Variants in BCAR3 observed in about 807,000 individuals in gnomAD.
BCAR3 encodes breast cancer anti-estrogen resistance protein 3.
A neutral mutation model predicts 80.1 loss-of-function variants in BCAR3; 37 were observed. The observed-to-expected ratio is 0.46, with a 90% CI of 0.36 to 0.61. The LOEUF (loss-of-function observed/expected upper bound fraction) is 0.61. Ranked by LOEUF, BCAR3 falls within the 20% of genes least tolerant of loss-of-function variation. The pLI, the probability that BCAR3 is intolerant of heterozygous loss-of-function variation, is 0.00. For missense variants in BCAR3, 978 were observed against 1,068.2 expected (o/e 0.92, Z 1.18); for synonymous variants, 389 against 418.9 (o/e 0.93, Z 0.87).
At chr1:93,659,667 A>G (rs1647559218) in intron 2 of BCAR3, among the ~76,000 whole-genome samples, 1 of 152,078 alleles carries the variant, frequency 6.6e-6, no homozygotes, top group Non-Finnish European at 1.5e-5. Context: ...TTAGATGACA[A>G]TCACGGTTCT....
At chr1:93,786,459 A>G (rs1001212346) in intron 2 of BCAR3, among the ~76,000 whole-genome samples, 3 of 152,172 alleles carry the variant, frequency 2.0e-5, no homozygotes, top group Non-Finnish European at 4.4e-5. Flanking sequence ...CCCAGCTGAG[A>G]CCATGGAGAG....
intron 2 of BCAR3, among the ~76,000 whole-genome samples, chr1:93,707,925 C>A (rs1007446727): frequency 6.6e-6 from 1 of 152,188 alleles, no homozygotes; most frequent in Non-Finnish European, 1.5e-5. Flanking sequence ...AGATGACCCA[C>A]ATACACAAAA....
At chr1:93,728,694 G>A (rs58038827) in intron 2 of BCAR3, among the ~76,000 whole-genome samples, 23,717 of 152,044 alleles carry the variant, frequency 0.16, 2,087 homozygotes, top group African/African-American at 0.22. Context: ...CAGGCATGCC[G>A]GCATCTGTCA....
At chr1:93,802,285 G>A (rs1206544415) in intron 2 of BCAR3, among the ~76,000 whole-genome samples, 1 of 151,678 alleles carries the variant, frequency 6.6e-6, no homozygotes, top group Non-Finnish European at 1.5e-5. Context: ...ACTCCAGCCT[G>A]GGCAGCTGAG....
chr1:93,605,438 G>A (rs1248212484), intron 3 of BCAR3: 3 of 152,252 alleles, frequency 2.0e-5, no homozygotes, highest in African/African-American at 4.8e-5. Context: ...AACAATGCAA[G>A]TGAAATATTA....
intron 2 of BCAR3, among the ~76,000 whole-genome samples, chr1:93,821,656 A>G (rs1456878566): frequency 1.3e-5 from 2 of 152,176 alleles, no homozygotes; most frequent in African/African-American, 2.4e-5. Flanking sequence ...TGAGGATGCT[A>G]ATAATAACCA....
intron 3 of BCAR3, among the ~76,000 whole-genome samples, chr1:93,698,497 T>G (rs1014080754): frequency 6.6e-6 from 1 of 152,190 alleles, no homozygotes; most frequent in Admixed American, 6.5e-5. Flanking sequence ...GGCCTGTGAC[T>G]GTGCCCTACT....
At chr1:93,802,593 A>G (rs1021532998) in intron 2 of BCAR3, among the ~76,000 whole-genome samples, 1 of 152,216 alleles carries the variant, frequency 6.6e-6, no homozygotes, top group Non-Finnish European at 1.5e-5. Context: ...TCTCTAATGC[A>G]TGCTGTCAAA....
intron 3 of BCAR3, among the ~76,000 whole-genome samples, chr1:93,629,244 A>G (rs903648986): frequency 6.6e-6 from 1 of 152,176 alleles, no homozygotes; most frequent in Non-Finnish European, 1.5e-5. Context: ...CAGCCTGGGC[A>G]CACGCTGTCT....
Position 93,674,601 on chromosome 1 carries a change from T to C in BCAR3, c.317+13A>G, listed in dbSNP as rs1220023604. Reference sequence around the variant, plus strand: ...AGACAAATCATCTTCACTAGTGAAATTACAGAAGTTACCTGAAGGTGAAGG... The same window carrying C: ...AGACAAATCATCTTCACTAGTGAAACTACAGAAGTTACCTGAAGGTGAAGG... On this transcript the variant is annotated intron_variant, in intron 2 of 11. Transcript: ENST00000260502. 1 of 1,609,820 alleles carries C rather than the reference T, an allele frequency of 6.2e-7. No individual in the cohort carries two copies. Among genetic ancestry groups the C allele is most frequent in the African/African-American group, 1.3e-5 (1 of 74,584 alleles).
intron 2 of BCAR3, among the ~76,000 whole-genome samples, chr1:93,773,320 G>A (rs1652426016): frequency 6.6e-6 from 1 of 151,774 alleles, no homozygotes; most frequent in South Asian, 2.1e-4. Flanking sequence ...AATTTCATAG[G>A]TGAAAAAAAA....
intron 2 of BCAR3, among the ~76,000 whole-genome samples, chr1:93,790,614 C>CTTT (rs781591266): frequency 2.6e-3 from 237 of 90,408 alleles, no homozygotes; most frequent in African/African-American, 9.1e-3. Flanking sequence ...CACTTATAGT[C>CTTT]TTTTTTTTTT....
At chr1:93,771,450 G>A (rs1248678781) in intron 2 of BCAR3, among the ~76,000 whole-genome samples, 1 of 152,122 alleles carries the variant, frequency 6.6e-6, no homozygotes, top group Non-Finnish European at 1.5e-5. Context: ...TTCCTATTAA[G>A]ACTCTGCCTC....
At chr1:93,818,275 A>G (rs1194678598) in intron 2 of BCAR3, among the ~76,000 whole-genome samples, 2 of 152,242 alleles carry the variant, frequency 1.3e-5, no homozygotes, top group Non-Finnish European at 2.9e-5. Context: ...TGAGAGACTG[A>G]TATCAGCACT....
At chr1:93,665,653 G>A (rs747419019) in intron 2 of BCAR3, among the ~76,000 whole-genome samples, 2 of 151,962 alleles carry the variant, frequency 1.3e-5, no homozygotes, top group Non-Finnish European at 2.9e-5. Context: ...TACCTTTCAG[G>A]CCAGACCTTT....
At chr1:93,704,857 T>C (rs1345851788) in intron 3 of BCAR3, among the ~76,000 whole-genome samples, 1 of 152,216 alleles carries the variant, frequency 6.6e-6, no homozygotes, top group Non-Finnish European at 1.5e-5. Flanking sequence ...CTATTTTTCA[T>C]GGTTTACTTA....
chr1:93,720,510 C>T (rs529008264), intron 2 of BCAR3, among the ~76,000 whole-genome samples: 1 of 152,280 alleles, frequency 6.6e-6, no homozygotes, highest in East Asian at 1.9e-4. Context: ...ACCCTGGTCT[C>T]TCTGAACAGT....
At chr1:93,670,491 A>G (rs140986913) in intron 2 of BCAR3, among the ~76,000 whole-genome samples, 60 of 152,374 alleles carry the variant, frequency 3.9e-4, no homozygotes, top group African/African-American at 1.4e-3. Context: ...AAGATAGCTC[A>G]GAGGATGCCC....
rs912082882 is a variant in BCAR3, at chr1:93,602,592, A to G, written c.358-10199T>C. 2.0e-5 allele frequency among the ~76,000 whole-genome samples: 3 copies of G among 152,376 alleles called. No homozygotes were observed. The East Asian group carries it at 5.8e-4, about 29-fold the overall frequency. On this transcript the variant is annotated intron_variant, in intron 3 of 11. Coordinates refer to ENST00000260502, the MANE Select transcript of BCAR3 (RefSeq NM_003567.4). The stretch of plus-strand genomic sequence containing the variant: ...TCCAACCCGAAATGAAGTTCTTTGG[A>G]GAATTCAGAAACTCAGCCCTTTTGA...
Sources: allele counts gnomAD v4.1 joint callset (sites outside exome capture counted in the v4.1 genomes callset), GRCh38; gene constraint gnomAD v4.1.1; transcripts MANE v1.5; gene names NCBI Gene and HGNC (gene_info 2026-07-23, HGNC 2026-07-21).